Variants in SHCBP1L observed in about 807,000 individuals in gnomAD.
SHCBP1L encodes the protein SHC binding and spindle associated 1 like.
A neutral mutation model predicts 62.5 loss-of-function variants in SHCBP1L; 67 were observed. The observed-to-expected ratio is 1.07, with a 90% CI of 0.88 to 1.31. The LOEUF (loss-of-function observed/expected upper bound fraction) is 1.31, where lower values mean the gene tolerates loss of function less well. Among genes scored for constraint, SHCBP1L ranks in the 40% most tolerant of loss-of-function variants. The pLI, the probability that SHCBP1L is intolerant of heterozygous loss-of-function variation, is 0.00. For missense variants in SHCBP1L, 823 were observed against 809.8 expected (o/e 1.02, Z -0.20); for synonymous variants, 284 against 289.4 (o/e 0.98, Z 0.19).
chr1:182,923,834 G>A (rs970025773), intron 6 of SHCBP1L, among the ~76,000 whole-genome samples: 2 of 152,056 alleles, frequency 1.3e-5, no homozygotes, highest in Non-Finnish European at 2.9e-5. Flanking sequence ...ACAAGACAAC[G>A]ATACCCACTC....
At chr1:182,917,455 G>A (rs890258209) in intron 6 of SHCBP1L, among the ~76,000 whole-genome samples, 5 of 152,150 alleles carry the variant, frequency 3.3e-5, no homozygotes, top group African/African-American at 1.2e-4. Flanking sequence ...TGTTGGCCAG[G>A]CTGATCTTGA....
chr1:182,929,894 T>C, intron 5 of SHCBP1L, 142 bp from the exon 6 acceptor site: 1 of 586,274 alleles, frequency 1.7e-6, no homozygotes, highest in South Asian at 2.2e-5. Context: ...AATGAGCAAC[T>C]TGAGAGCAAT....
At chr1:182,949,633 G>T (rs1444958697) in intron 2 of SHCBP1L, among the ~76,000 whole-genome samples, 1 of 151,624 alleles carries the variant, frequency 6.6e-6, no homozygotes, top group Non-Finnish European at 1.5e-5. Context: ...AGAGGAAGAG[G>T]TTGCAGTGAG....
At chr1:182,902,040 C>CT in intron 9 of SHCBP1L, among the ~76,000 whole-genome samples, 1 of 147,404 alleles carries the variant, frequency 6.8e-6, no homozygotes, top group East Asian at 2.0e-4. Context: ...ACCTTCTTTT[C>CT]TTTTTTCTTT....
chr1:182,952,815 G>GCAGGGGCTGCGC lies in SHCBP1L; in HGVS notation c.307_318dup (p.Ala103_Leu106dup). 1 of 1,612,566 alleles carries GCAGGGGCTGCGC rather than the reference G, an allele frequency of 6.2e-7. No individual in the cohort carries two copies. The highest frequency in any genetic ancestry group is 8.5e-7 in the Non-Finnish European group (1 of 1,179,560). ...CTCATACGGGACACGCAGACTGGGG[G>GCAGGGGCTGCGC]CAGGGGCTGCGCCTCCTCTTCATCC... is the stretch of plus-strand genomic sequence containing the variant. On this transcript the variant is annotated inframe_insertion, in exon 1 of 10. Transcript: ENST00000367547.
intron 6 of SHCBP1L, among the ~76,000 whole-genome samples, chr1:182,917,065 A>G (rs986824164): frequency 6.6e-6 from 1 of 152,184 alleles, no homozygotes; most frequent in Non-Finnish European, 1.5e-5. Flanking sequence ...AAAAGAATTA[A>G]CACCAATCTT....
At position 182,900,059 on chromosome 1, in the gene SHCBP1L, T is replaced by C. The variant is rs772972712; in HGVS notation, c.1886A>G (p.Gln629Arg). The change falls in exon 10 of 10, where the codon CAA becomes CGA. Residue 629 changes from glutamine to arginine, a missense_variant. By Grantham distance (43) the Gln-to-Arg change is conservative (BLOSUM62 1). Transcript: ENST00000367547. ...ATTATTCATTTCCAGATTCAGATTT[T>C]GCATTACTTTGAAGAGCATTTTATC... is the stretch of plus-strand genomic sequence containing the variant. ...KDDKMLFKVM[Q>R]NLNLEMNNNK... 9.3e-6 allele frequency: 15 copies of C among 1,613,214 alleles called. No homozygotes were observed. Among genetic ancestry groups the C allele is most frequent in the Middle Eastern group, 1.6e-4 (1 of 6,066 alleles).
chr1:182,935,652 C>T (rs963358532), intron 5 of SHCBP1L, among the ~76,000 whole-genome samples: 1 of 151,654 alleles, frequency 6.6e-6, no homozygotes, highest in Non-Finnish European at 1.5e-5. Flanking sequence ...GTTTCTTTTT[C>T]TTGTCTTATT....
chr1:182,930,717 A>G (rs1372793329), intron 5 of SHCBP1L, among the ~76,000 whole-genome samples: 1 of 98,040 alleles, frequency 1.0e-5, no homozygotes, highest in Non-Finnish European at 1.9e-5. Context: ...ATATATATAT[A>G]TATATATGTA....
At chr1:182,924,793 A>AGAAAGGAAGGAAGG (rs1491297529) in intron 6 of SHCBP1L, among the ~76,000 whole-genome samples, 9 of 119,020 alleles carry the variant, frequency 7.6e-5, no homozygotes, top group African/African-American at 4.4e-4. Context: ...AGAAAGAGAG[A>AGAAAGGAAGGAAGG]AAGAAAGGAA....
At chr1:182,942,677 A>G (rs1333866267) in intron 2 of SHCBP1L, among the ~76,000 whole-genome samples, 1 of 152,264 alleles carries the variant, frequency 6.6e-6, no homozygotes, top group Admixed American at 6.5e-5. Context: ...AATTTAATAA[A>G]TTACACATTA....
At chr1:182,923,785 T>C (rs1650591303) in intron 6 of SHCBP1L, among the ~76,000 whole-genome samples, 1 of 152,154 alleles carries the variant, frequency 6.6e-6, no homozygotes, top group Non-Finnish European at 1.5e-5. Context: ...AACATCATAC[T>C]GAATGGGCAA....
At chr1:182,904,123 C>G in intron 8 of SHCBP1L, 57 bp downstream of exon 8, 1 of 1,556,060 alleles carries the variant, frequency 6.4e-7, no homozygotes, top group South Asian at 1.2e-5. Flanking sequence ...ATATTAAGAT[C>G]ACTCAAAGCT....
intron 6 of SHCBP1L, among the ~76,000 whole-genome samples, chr1:182,927,097 TATATATATATATATATA>T: frequency 3.7e-5 from 2 of 54,762 alleles, no homozygotes; most frequent in African/African-American, 1.5e-4. Context: ...TATATATATA[TATATATATATATATATA>T]CTCTCTCTCT....
Position 182,952,738 on chromosome 1 carries a change from C to T in SHCBP1L, c.396G>A (p.Gln132=). ...KVSLYCDEVL[Q]DCKAEDADEV... ...TCCCGGATCCGCTCACCTTACAGTC[C>T]TGCAGCACTTCGTCGCAATACAGCG... Residue 132 remains glutamine (Q), a synonymous_variant, in exon 1 of 10, where the codon CAG becomes CAA. Transcript: ENST00000367547. 6.2e-7 allele frequency: 1 copy of T among 1,609,350 alleles called. No homozygotes were observed. Among genetic ancestry groups the T allele is most frequent in the Non-Finnish European group, 8.5e-7 (1 of 1,178,126 alleles).
At chr1:182,904,482 C>A in intron 7 of SHCBP1L, 52 bp from the exon 8 acceptor site, 1 of 1,591,722 alleles carries the variant, frequency 6.3e-7, no homozygotes. Flanking sequence ...CATTTTAAGG[C>A]CCTTTATTGT....
intron 5 of SHCBP1L, among the ~76,000 whole-genome samples, chr1:182,937,588 T>C (rs1558001951): frequency 6.6e-6 from 1 of 152,216 alleles, no homozygotes; most frequent in African/African-American, 2.4e-5. Flanking sequence ...CTCATCATTA[T>C]TAATTCAAGT....
intron 3 of SHCBP1L, among the ~76,000 whole-genome samples, chr1:182,940,026 T>A (rs1413374972): frequency 6.6e-6 from 1 of 152,170 alleles, no homozygotes; most frequent in African/African-American, 2.4e-5. Flanking sequence ...AAATTTAAGA[T>A]GCTTAAATAT....
chr1:182,924,361 G>C (rs572425130), intron 6 of SHCBP1L, among the ~76,000 whole-genome samples: 247 of 148,830 alleles, frequency 1.7e-3, no homozygotes, highest in Non-Finnish European at 2.8e-3. Flanking sequence ...TGCAGTGGCT[G>C]ATCTCAGTTC....
Sources: gnomAD v4.1 joint callset for allele counts (sites outside exome capture counted in the v4.1 genomes callset) on GRCh38, gnomAD v4.1.1 for gene constraint, MANE v1.5 for transcripts, NCBI Gene and HGNC (gene_info 2026-07-23, HGNC 2026-07-21) for gene names.